NOVA1: variants seen among roughly 807,000 people sequenced by gnomAD.
NOVA1 encodes the protein RNA-binding protein Nova-1.
A neutral mutation model predicts 38.0 loss-of-function variants in NOVA1; 7 were observed. The observed-to-expected ratio is 0.18, with a 90% CI of 0.10 to 0.35. The LOEUF is 0.35. NOVA1 is among the 10% of genes least tolerant of loss of function. The pLI, the probability that NOVA1 is intolerant of heterozygous loss-of-function variation, is 1.00. For synonymous variants in NOVA1, 270 were observed against 232.5 expected (o/e 1.16, Z -1.47); for missense variants, 460 against 616.0 (o/e 0.75, Z 2.68).
At chr14:26,526,638 T>A (rs1889319145) in intron 2 of NOVA1, among the ~76,000 whole-genome samples, 1 of 152,166 alleles carries the variant, frequency 6.6e-6, no homozygotes, top group Non-Finnish European at 1.5e-5. Flanking sequence ...TATTCCTTCA[T>A]AATTAGCTAC....
At chr14:26,501,318 T>C (rs533224305) in intron 2 of NOVA1, among the ~76,000 whole-genome samples, 26 of 152,092 alleles carry the variant, frequency 1.7e-4, no homozygotes, top group Middle Eastern at 6.8e-3. Flanking sequence ...CCACAGAAGA[T>C]AAAGGGAACA....
At chr14:26,481,654 T>C (rs1302273046) in intron 2 of NOVA1, among the ~76,000 whole-genome samples, 1 of 152,108 alleles carries the variant, frequency 6.6e-6, no homozygotes, top group East Asian at 1.9e-4. Context: ...TAAGGGTGGA[T>C]AAAGCCTGAA....
intron 2 of NOVA1, among the ~76,000 whole-genome samples, chr14:26,573,580 A>T (rs1005503023): frequency 6.6e-6 from 1 of 152,182 alleles, no homozygotes; most frequent in Non-Finnish European, 1.5e-5. Flanking sequence ...AATGATTCCT[A>T]AAAAGAATAG....
intron 3 of NOVA1, among the ~76,000 whole-genome samples, chr14:26,476,853 C>T (rs1885027927): frequency 1.3e-5 from 2 of 151,240 alleles, no homozygotes; most frequent in South Asian, 2.1e-4. Context: ...GCAGCTGTGA[C>T]TACAGGCATG....
intron 2 of NOVA1, among the ~76,000 whole-genome samples, chr14:26,495,666 T>G (rs1484627093): frequency 1.6e-5 from 2 of 125,982 alleles, no homozygotes; most frequent in East Asian, 2.5e-4. Context: ...CCCACAACAG[T>G]CCCCAGAGTG....
chr14:26,582,780 A>C (rs1334715863), intron 2 of NOVA1, among the ~76,000 whole-genome samples: 1 of 151,758 alleles, frequency 6.6e-6, no homozygotes, highest in African/African-American at 2.4e-5. Context: ...AAATTAAAAA[A>C]CAGGTTTTGA....
At chr14:26,516,357 T>C (rs1888462062) in intron 2 of NOVA1, among the ~76,000 whole-genome samples, 2 of 152,194 alleles carry the variant, frequency 1.3e-5, no homozygotes, top group Non-Finnish European at 2.9e-5. Flanking sequence ...AAGTTCTGGA[T>C]TTTCATGTGG....
chr14:26,545,055 G>T (rs551209583), intron 2 of NOVA1, among the ~76,000 whole-genome samples: 60 of 152,122 alleles, frequency 3.9e-4, no homozygotes, highest in Admixed American at 3.9e-3. Flanking sequence ...TTGTGAATTT[G>T]TTTAGGGAAC....
chr14:26,500,725 T>C (rs886426217), intron 2 of NOVA1, among the ~76,000 whole-genome samples: 4 of 152,034 alleles, frequency 2.6e-5, no homozygotes, highest in African/African-American at 7.2e-5. Context: ...GCAGAAAGTA[T>C]TGTTTACAGT....
chr14:26,575,166 A>G (rs556757578), intron 2 of NOVA1, among the ~76,000 whole-genome samples: 2 of 152,314 alleles, frequency 1.3e-5, no homozygotes, highest in South Asian at 4.1e-4. Context: ...TAAAAGTTCA[A>G]ATTGCTTGAC....
intron 4 of NOVA1, among the ~76,000 whole-genome samples, chr14:26,451,551 A>G (rs1320451043): frequency 6.6e-6 from 1 of 152,042 alleles, no homozygotes; most frequent in Non-Finnish European, 1.5e-5. Context: ...GTATTCTTTT[A>G]GTAGAGATGG....
At chr14:26,597,200 C>CGGGA (rs1469983068) in intron 1 of NOVA1, 101 bp downstream of exon 1, 2 of 682,384 alleles carry the variant, frequency 2.9e-6, no homozygotes, top group Admixed American at 6.1e-5. Flanking sequence ...GTCCGGGCCG[C>CGGGA]GGGAGGGAGG....
intron 2 of NOVA1, among the ~76,000 whole-genome samples, chr14:26,490,679 G>C (rs977862654): frequency 2.0e-5 from 3 of 151,770 alleles, no homozygotes; most frequent in Non-Finnish European, 2.9e-5. Flanking sequence ...TTTTCAAATG[G>C]TGTCTTTTTG....
intron 2 of NOVA1, among the ~76,000 whole-genome samples, chr14:26,494,632 C>T (rs185475951): frequency 6.6e-6 from 1 of 152,250 alleles, no homozygotes; most frequent in East Asian, 1.9e-4. Flanking sequence ...ATAGTTTCCT[C>T]TTCTGGCTTC....
intron 2 of NOVA1, among the ~76,000 whole-genome samples, chr14:26,551,657 TATAA>T (rs1294999314): frequency 2.6e-5 from 4 of 152,080 alleles, no homozygotes; most frequent in Non-Finnish European, 4.4e-5. Flanking sequence ...TTGATTTTTA[TATAA>T]ATAATGTCAT....
chr14:26,597,500 CT>C lies in NOVA1; in HGVS notation c.-65del. On this transcript the variant is annotated 5_prime_UTR_variant, in exon 1 of 5. Coordinates refer to ENST00000539517, the MANE Select transcript of NOVA1 (RefSeq NM_002515.3). The stretch of plus-strand genomic sequence containing the variant: ...CCCTTTTGTTTTGGCTTTTTCTTTT[CT>C]TTTTTCTTTTTTTTTTTTTTTTTTT... 1 of 850,762 alleles carries C rather than the reference CT, an allele frequency of 1.2e-6. No individual in the cohort carries two copies. Among genetic ancestry groups the C allele is most frequent in the Non-Finnish European group, 1.4e-6 (1 of 702,822 alleles). The allele number at this position is 850,762 out of a possible 1,614,324, so 52.7% of individuals were successfully genotyped here. A position where few individuals can be genotyped will look rare whatever the true frequency, so the allele number is the denominator to read the frequency against.
At position 26,525,938 on chromosome 14, in the gene NOVA1, C is replaced by T. The variant is rs377176909; in HGVS notation, c.281-45795G>A. Among the ~76,000 whole-genome samples, 6 of 152,138 alleles carry T rather than the reference C, an allele frequency of 3.9e-5. No homozygotes were observed. In the East Asian group the frequency reaches 9.7e-4, roughly 25 times the overall value. ...ATTCTTTTACTTGAGATTCTAAAAT[C>T]AAATGTGTTATTAAATAGCTTTAAG... On this transcript the variant is annotated intron_variant, in intron 2 of 4. Coordinates refer to ENST00000539517, the MANE Select transcript of NOVA1 (RefSeq NM_002515.3).
At chr14:26,531,687 C>T (rs1889726961) in intron 2 of NOVA1, among the ~76,000 whole-genome samples, 1 of 152,134 alleles carries the variant, frequency 6.6e-6, no homozygotes, top group Non-Finnish European at 1.5e-5. Context: ...AAAAGTAAGA[C>T]AGGTTTTTAA....
At chr14:26,450,377 T>A (rs1882559525) in intron 4 of NOVA1, among the ~76,000 whole-genome samples, 1 of 108,282 alleles carries the variant, frequency 9.2e-6, no homozygotes, top group Non-Finnish European at 2.2e-5. Flanking sequence ...TATTTACACA[T>A]ATAATACACA....
Sources: gnomAD v4.1 joint callset for allele counts (sites outside exome capture counted in the v4.1 genomes callset) on GRCh38, gnomAD v4.1.1 for gene constraint, MANE v1.5 for transcripts, NCBI Gene and HGNC (gene_info 2026-07-23, HGNC 2026-07-21) for gene names.